MACROD2: variants seen among roughly 807,000 people sequenced by gnomAD.
MACROD2 encodes the protein mono-ADP ribosylhydrolase 2.
In MACROD2, 36 loss-of-function variants were observed where a neutral mutation model predicts 70.4. The ratio of observed to expected loss-of-function variants is 0.51; its 90% confidence interval spans 0.39 to 0.68. MACROD2 has a LOEUF of 0.68. MACROD2 is among the 30% of genes least tolerant of loss of function. The pLI, the probability that MACROD2 is intolerant of heterozygous loss-of-function variation, is 0.00. For missense variants in MACROD2, 496 were observed against 538.4 expected (o/e 0.92, Z 0.78); for synonymous variants, 172 against 178.8 (o/e 0.96, Z 0.30).
At chr20:15,110,997 A>C (rs1230739648) in intron 5 of MACROD2, among the ~76,000 whole-genome samples, 1 of 152,158 alleles carries the variant, frequency 6.6e-6, no homozygotes, top group African/African-American at 2.4e-5. Context: ...TTATTCTGTG[A>C]AGTAAGAGTC....
intron 5 of MACROD2, among the ~76,000 whole-genome samples, chr20:15,062,417 T>C (rs1347176581): frequency 6.6e-6 from 1 of 152,110 alleles, no homozygotes; most frequent in Non-Finnish European, 1.5e-5. Context: ...CAAATTTACC[T>C]AGACATCCTG....
At chr20:14,126,202 G>A (rs1009730439) in intron 3 of MACROD2, among the ~76,000 whole-genome samples, 6 of 152,184 alleles carry the variant, frequency 3.9e-5, no homozygotes, top group Non-Finnish European at 8.8e-5. Flanking sequence ...TTCTCCTGAG[G>A]TCTTTCTCCT....
intron 10 of MACROD2, among the ~76,000 whole-genome samples, chr20:15,908,802 G>A (rs2065187992): frequency 6.6e-6 from 1 of 152,130 alleles, no homozygotes. Context: ...TGGATACTAA[G>A]CCAAGCATCT....
intron 3 of MACROD2, among the ~76,000 whole-genome samples, chr20:14,401,714 G>T (rs543771335): frequency 6.6e-6 from 1 of 151,894 alleles, no homozygotes; most frequent in Admixed American, 6.6e-5. Context: ...ATCTCATGGT[G>T]GTTTTGTTGG....
intron 3 of MACROD2, among the ~76,000 whole-genome samples, chr20:14,451,204 G>A (rs971912689): frequency 6.6e-6 from 1 of 152,070 alleles, no homozygotes; most frequent in African/African-American, 2.4e-5. Flanking sequence ...CACTTTGGGA[G>A]GCTAAGGCAG....
chr20:15,655,584 T>C (rs1166689276), intron 8 of MACROD2, among the ~76,000 whole-genome samples: 1 of 152,206 alleles, frequency 6.6e-6, no homozygotes, highest in Non-Finnish European at 1.5e-5. Flanking sequence ...TTTTAAAAGT[T>C]GTGTAACATT....
At chr20:15,115,663 G>T (rs1818824267) in intron 5 of MACROD2, among the ~76,000 whole-genome samples, 1 of 152,134 alleles carries the variant, frequency 6.6e-6, no homozygotes, top group Admixed American at 6.5e-5. Flanking sequence ...GTCTGGAAAT[G>T]ATACATGAAA....
chr20:14,721,762 G>T (rs2071472700), intron 5 of MACROD2, among the ~76,000 whole-genome samples: 1 of 152,116 alleles, frequency 6.6e-6, no homozygotes, highest in Non-Finnish European at 1.5e-5. Context: ...TTAGATGAAA[G>T]TTACCTTCCC....
At chr20:14,695,709 A>G (rs1600551408) in intron 5 of MACROD2, among the ~76,000 whole-genome samples, 1 of 152,210 alleles carries the variant, frequency 6.6e-6, no homozygotes, top group Admixed American at 6.5e-5. Flanking sequence ...AAGCCAGCCC[A>G]CAGCCACATC....
intron 8 of MACROD2, among the ~76,000 whole-genome samples, chr20:15,683,844 T>C (rs2050192608): frequency 6.6e-6 from 1 of 152,102 alleles, no homozygotes; most frequent in African/African-American, 2.4e-5. Context: ...CCTCCCAAGG[T>C]GCTGAGATTA....
chr20:14,100,144 T>G (rs904139881), intron 3 of MACROD2, among the ~76,000 whole-genome samples: 1 of 152,022 alleles, frequency 6.6e-6, no homozygotes, highest in African/African-American at 2.4e-5. Flanking sequence ...ACTATCACTG[T>G]TAACCCTTCA....
At chr20:15,021,601 C>T (rs780587512) in intron 5 of MACROD2, 1 of 151,482 alleles carries the variant, frequency 6.6e-6, no homozygotes, top group African/African-American at 2.4e-5. Context: ...TGCACAGGGG[C>T]CATGCTAATA....
intron 15 of MACROD2, among the ~76,000 whole-genome samples, chr20:16,037,424 G>T (rs369800571): frequency 6.6e-6 from 1 of 151,842 alleles, no homozygotes; most frequent in African/African-American, 2.4e-5. Flanking sequence ...GAAAGAATCA[G>T]CTACAGGTAC....
chr20:15,965,016 GCA>G (rs1430641759), intron 12 of MACROD2, among the ~76,000 whole-genome samples: 1 of 152,164 alleles, frequency 6.6e-6, no homozygotes, highest in African/African-American at 2.4e-5. Context: ...ATATTTGTGT[GCA>G]CACATCGAAT....
chr20:14,939,232 A>G (rs1452677947), intron 5 of MACROD2, among the ~76,000 whole-genome samples: 1 of 152,018 alleles, frequency 6.6e-6, no homozygotes, highest in Non-Finnish European at 1.5e-5. Context: ...TTCAGGTCTT[A>G]TATTTAAGTC....
chr20:15,077,775 C>T (rs775961079), intron 5 of MACROD2, among the ~76,000 whole-genome samples: 11 of 152,096 alleles, frequency 7.2e-5, no homozygotes, highest in East Asian at 3.9e-4. Context: ...GCAGCTGACT[C>T]GTCTGTCTTT....
At chr20:14,116,041 A>G (rs1425286172) in intron 3 of MACROD2, among the ~76,000 whole-genome samples, 2 of 152,184 alleles carry the variant, frequency 1.3e-5, no homozygotes, top group Admixed American at 1.3e-4. Flanking sequence ...TAATTTGAGT[A>G]TCAGATGGGG....
intron 5 of MACROD2, among the ~76,000 whole-genome samples, chr20:15,142,184 C>T (rs1343981210): frequency 6.6e-6 from 1 of 152,118 alleles, no homozygotes; most frequent in African/African-American, 2.4e-5. Context: ...TAGCATCTAA[C>T]GCAATACCTG....
At chr20:15,211,480 G>T (rs1351997936) in intron 5 of MACROD2, among the ~76,000 whole-genome samples, 1 of 152,070 alleles carries the variant, frequency 6.6e-6, no homozygotes, top group Non-Finnish European at 1.5e-5. Flanking sequence ...GAGGTGTTTT[G>T]GTCATGCAGG....
Sources: gnomAD v4.1 joint callset for allele counts (sites outside exome capture counted in the v4.1 genomes callset) on GRCh38, gnomAD v4.1.1 for gene constraint, MANE v1.5 for transcripts, NCBI Gene and HGNC (gene_info 2026-07-23, HGNC 2026-07-21) for gene names.